Variants in CRACD observed in about 807,000 individuals in gnomAD.
The protein encoded by CRACD is capping protein-inhibiting regulator of actin dynamics.
A neutral mutation model predicts 106.8 loss-of-function variants in CRACD; 56 were observed. The ratio of observed to expected loss-of-function variants is 0.52; its 90% CI spans 0.42 to 0.66. The LOEUF is 0.66. Among genes scored for constraint, CRACD ranks in the 30% least tolerant of loss-of-function variants. The pLI is 0.00. For synonymous variants in CRACD, 754 were observed against 670.8 expected (o/e 1.12, Z -1.92); for missense variants, 1,730 against 1,623.2 (o/e 1.07, Z -1.13).
intron 1 of CRACD, among the ~76,000 whole-genome samples, chr4:56,057,676 G>A (rs1732124459): frequency 6.8e-6 from 1 of 146,180 alleles, no homozygotes; most frequent in Non-Finnish European, 1.5e-5. Context: ...TCAGGCTAGA[G>A]TGCAGTGGCA....
In CRACD at chr4:56,057,818, T is replaced by G. The variant is rs1195000141; in HGVS notation, c.-336+8519T>G. ...TTTTGTATTTTTTTTTTTTTTGTTT[T>G]TTTTTTTTTTTTTTTTTTGAGACGG... On this transcript the variant is annotated intron_variant, in intron 1 of 10. Transcript: ENST00000682029. Among the ~76,000 whole-genome samples, 131 of 79,882 alleles carry G rather than the reference T, an allele frequency of 1.6e-3. 19 individuals are homozygous for G. Among genetic ancestry groups the G allele is most frequent in the African/African-American group, 6.5e-3 (85 of 13,064 alleles). 52.4% of individuals were successfully genotyped at this position (79,882 alleles called of 152,430 possible).
chr4:56,238,188 A>G (rs936365067), intron 2 of CRACD, among the ~76,000 whole-genome samples: 2 of 152,204 alleles, frequency 1.3e-5, no homozygotes, highest in South Asian at 2.1e-4. Context: ...TCCAATTGAC[A>G]TTGGCTGGGG....
At chr4:56,091,725 G>A (rs907011343) in intron 1 of CRACD, among the ~76,000 whole-genome samples, 1 of 152,086 alleles carries the variant, frequency 6.6e-6, no homozygotes, top group Non-Finnish European at 1.5e-5. Flanking sequence ...GACTTTGGTG[G>A]GCGAGTCTGG....
chr4:56,153,916 TCTCAGCCCATAC>T (rs1308169934), intron 1 of CRACD, among the ~76,000 whole-genome samples: 1 of 152,236 alleles, frequency 6.6e-6, no homozygotes. Flanking sequence ...GTTACATTTA[TCTCAGCCCATAC>T]CTCGTTATTC....
intron 1 of CRACD, among the ~76,000 whole-genome samples, chr4:56,055,392 G>A (rs1255658291): frequency 6.6e-6 from 1 of 151,850 alleles, no homozygotes; most frequent in Non-Finnish European, 1.5e-5. Context: ...TTCCTCACTT[G>A]GGAGAAATAA....
At chr4:56,280,870 T>A (rs1234021799) in intron 3 of CRACD, among the ~76,000 whole-genome samples, 1 of 152,222 alleles carries the variant, frequency 6.6e-6, no homozygotes, top group East Asian at 1.9e-4. Flanking sequence ...CACCTGACCT[T>A]GCTGCGTTTC....
intron 1 of CRACD, among the ~76,000 whole-genome samples, chr4:56,137,534 CTG>C (rs1560461490): frequency 6.6e-6 from 1 of 152,220 alleles, no homozygotes; most frequent in Non-Finnish European, 1.5e-5. Flanking sequence ...GCCCTACACA[CTG>C]TTGTCTAGTG....
chr4:56,163,340 T>C (rs894713251), intron 1 of CRACD, among the ~76,000 whole-genome samples: 2 of 152,194 alleles, frequency 1.3e-5, no homozygotes, highest in East Asian at 3.8e-4. Context: ...TTTTTCCTCA[T>C]ACAGCACAGA....
chr4:56,257,079 C>CT (rs566765737), intron 2 of CRACD, among the ~76,000 whole-genome samples: 13,253 of 114,482 alleles, frequency 0.12, 989 homozygotes, highest in African/African-American at 0.16. Flanking sequence ...TTTTGATGTT[C>CT]TTTTTTTTTT....
chr4:56,160,329 T>C (rs1345611423), intron 1 of CRACD, among the ~76,000 whole-genome samples: 2 of 152,030 alleles, frequency 1.3e-5, no homozygotes, highest in East Asian at 1.9e-4. Flanking sequence ...ATTACAGGCA[T>C]GTGCCACCAC....
intron 1 of CRACD, among the ~76,000 whole-genome samples, chr4:56,112,593 C>T (rs1734154554): frequency 2.6e-5 from 4 of 152,104 alleles, no homozygotes; most frequent in Admixed American, 2.6e-4. Flanking sequence ...CAGTTCATCC[C>T]TCGGCTCCCC....
intron 1 of CRACD, among the ~76,000 whole-genome samples, chr4:56,051,071 C>T (rs1390067251): frequency 6.6e-6 from 1 of 152,160 alleles, no homozygotes; most frequent in African/African-American, 2.4e-5. Flanking sequence ...TTCTCTTACC[C>T]AATTTCAGAC....
intron 1 of CRACD, among the ~76,000 whole-genome samples, chr4:56,100,872 A>G (rs1338656553): frequency 6.6e-6 from 1 of 152,194 alleles, no homozygotes; most frequent in East Asian, 1.9e-4. Context: ...GCCCCAGCAA[A>G]TGAATATCTA....
intron 1 of CRACD, among the ~76,000 whole-genome samples, chr4:56,062,582 C>G (rs559246679): frequency 7.2e-5 from 11 of 152,272 alleles, no homozygotes; most frequent in African/African-American, 2.6e-4. Context: ...GAATTTTAAA[C>G]TGATTTCCTG....
At chr4:56,216,701 C>G (rs1209701194) in intron 2 of CRACD, among the ~76,000 whole-genome samples, 1 of 152,248 alleles carries the variant, frequency 6.6e-6, no homozygotes, top group South Asian at 2.1e-4. Flanking sequence ...AAATGTCAGG[C>G]CGGGCGCGGT....
chr4:56,302,436 CTGTT>C (rs1475062111), intron 4 of CRACD, among the ~76,000 whole-genome samples: 2 of 152,156 alleles, frequency 1.3e-5, no homozygotes, highest in South Asian at 4.1e-4. Flanking sequence ...AATGCTTAGT[CTGTT>C]TGTACCACGG....
intron 1 of CRACD, among the ~76,000 whole-genome samples, chr4:56,100,813 T>A (rs1055600776): frequency 6.6e-6 from 1 of 152,172 alleles, no homozygotes; most frequent in Non-Finnish European, 1.5e-5. Flanking sequence ...TCTGACAGAG[T>A]ACATTTCTGT....
intron 2 of CRACD, among the ~76,000 whole-genome samples, chr4:56,257,353 A>C (rs1456271535): frequency 1.3e-5 from 2 of 151,896 alleles, no homozygotes; most frequent in Non-Finnish European, 2.9e-5. Flanking sequence ...AAGTGCTGGG[A>C]TTACAGGCGT....
intron 1 of CRACD, among the ~76,000 whole-genome samples, chr4:56,139,204 A>C (rs1014016917): frequency 1.3e-4 from 20 of 152,226 alleles, no homozygotes; most frequent in African/African-American, 4.6e-4. Context: ...AATATTTAAT[A>C]ATCATTATAT....
Sources: allele counts gnomAD v4.1 joint callset (sites outside exome capture counted in the v4.1 genomes callset), GRCh38; gene constraint gnomAD v4.1.1; transcripts MANE v1.5; gene names NCBI Gene and HGNC (gene_info 2026-07-23, HGNC 2026-07-21).